Variants in CNTFR observed in about 807,000 individuals in gnomAD.
CNTFR encodes the protein ciliary neurotrophic factor receptor, also known as ciliary neurotrophic factor receptor subunit alpha.
CNTFR carries 12 observed loss-of-function variants against 40.4 expected under a neutral mutation model. The observed-to-expected ratio is 0.30, with a 90% CI of 0.19 to 0.48. The LOEUF (loss-of-function observed/expected upper bound fraction) is 0.48. CNTFR is among the 20% of genes least tolerant of loss of function. The pLI is 0.99. For missense variants in CNTFR, 414 were observed against 506.8 expected (o/e 0.82, Z 1.76); for synonymous variants, 202 against 209.6 (o/e 0.96, Z 0.31).
intron 1 of CNTFR, among the ~76,000 whole-genome samples, chr9:34,585,076 A>G (rs1323818674): frequency 3.3e-5 from 5 of 152,200 alleles, no homozygotes; most frequent in Non-Finnish European, 5.9e-5. Flanking sequence ...GGCACTGTAC[A>G]GGGAGCCAGG....
At chr9:34,579,023 G>A (rs905399999) in intron 2 of CNTFR, among the ~76,000 whole-genome samples, 1 of 152,162 alleles carries the variant, frequency 6.6e-6, no homozygotes, top group African/African-American at 2.4e-5. Context: ...CTGGACCCTG[G>A]GCTTGTCAGG....
At chr9:34,575,316 G>C (rs1357468563) in intron 2 of CNTFR, among the ~76,000 whole-genome samples, 8 of 152,156 alleles carry the variant, frequency 5.3e-5, no homozygotes, top group Non-Finnish European at 8.8e-5. Flanking sequence ...GTGGGGAGCG[G>C]GGTACTGCTC....
At chr9:34,580,389 C>G (rs1208770438) in intron 2 of CNTFR, among the ~76,000 whole-genome samples, 1 of 152,180 alleles carries the variant, frequency 6.6e-6, no homozygotes, top group East Asian at 1.9e-4. Flanking sequence ...CCATCTTAAG[C>G]CCCTTTTATG....
intron 1 of CNTFR, among the ~76,000 whole-genome samples, chr9:34,585,820 T>C (rs1010067728): frequency 3.3e-5 from 5 of 152,138 alleles, no homozygotes; most frequent in Admixed American, 1.3e-4. Flanking sequence ...CTTCTCAGGC[T>C]CCTTGCTCTC....
intron 3 of CNTFR, chr9:34,568,154 C>G (rs1826394345): frequency 6.6e-6 from 1 of 152,168 alleles, no homozygotes. Flanking sequence ...AAGCCTGGTT[C>G]AAGGTGAGTT....
At chr9:34,553,202 A>G (rs1825707116) in intron 7 of CNTFR, among the ~76,000 whole-genome samples, 1 of 152,078 alleles carries the variant, frequency 6.6e-6, no homozygotes, top group African/African-American at 2.4e-5. Context: ...AATCCCGACC[A>G]CAGTCCCAGC....
At chr9:34,574,722 G>T (rs1826867751) in intron 2 of CNTFR, among the ~76,000 whole-genome samples, 1 of 152,240 alleles carries the variant, frequency 6.6e-6, no homozygotes, top group Admixed American at 6.5e-5. Context: ...ATGGGGTCCT[G>T]GAGGGGACAA....
intron 1 of CNTFR, among the ~76,000 whole-genome samples, chr9:34,587,236 T>A (rs1335895184): frequency 6.6e-6 from 1 of 152,138 alleles, no homozygotes; most frequent in African/African-American, 2.4e-5. Context: ...TAAGTCTGAG[T>A]GTGAGACCCT....
chr9:34,557,641 G>A lies in CNTFR; in HGVS notation c.489C>T (p.Arg163=). The change falls in exon 6 of 10, where the codon CGC becomes CGT. Residue 163 remains arginine, a synonymous_variant. Coordinates refer to ENST00000378980, the MANE Select transcript of CNTFR (RefSeq NM_147164.3). This position sits in a 1 kb window ranked among gnomAD's most constrained non-coding sequence, Gnocchi z 4.2. ...ACAGGTGCATGTAGCGAATGTGGCA[G>A]CGGTTCTTGAGGGCTGGGTCCTTCT... The part of the protein sequence containing the change: ...VCEKDPALKN[R]CHIRYMHLFS... 6.2e-7 allele frequency: 1 copy of A among 1,614,214 alleles called. No individual in the cohort carries two copies. Among genetic ancestry groups the A allele is most frequent in the Middle Eastern group, 1.6e-4 (1 of 6,062 alleles).
intron 4 of CNTFR, among the ~76,000 whole-genome samples, chr9:34,562,750 T>C (rs1587131868): frequency 1.3e-5 from 2 of 152,198 alleles, no homozygotes; most frequent in African/African-American, 4.8e-5. Flanking sequence ...AATGGAACTA[T>C]GTTCAGAGTA....
At chr9:34,564,454 G>T in intron 4 of CNTFR, 145 bp downstream of exon 4, 1 of 789,444 alleles carries the variant, frequency 1.3e-6, no homozygotes, top group Non-Finnish European at 2.1e-6. Context: ...CAGAAGAGCG[G>T]GCCAGGACAA....
rs997622431 is a variant in CNTFR, at chr9:34,552,475, A to G, written c.950-146T>C. The G allele has an allele frequency of 8.7e-5, 94 of 1,075,540 alleles. No individual in the cohort carries two copies. The highest frequency in any genetic ancestry group is 1.2e-4 in the Non-Finnish European group (90 of 764,482). The allele number at this position is 1,075,540 out of a possible 1,614,324, so 66.6% of individuals were successfully genotyped here. ...AGATCCTGTTTCCCAAGGCTCACAG[A>G]TAACCCCTCCACCCAATGACCCCTA... On this transcript the variant is annotated intron_variant, in intron 8 of 9. Coordinates refer to ENST00000378980, the MANE Select transcript of CNTFR (RefSeq NM_147164.3). This position sits in a 1 kb window ranked among gnomAD's most constrained non-coding sequence, Gnocchi z 5.1.
intron 1 of CNTFR, among the ~76,000 whole-genome samples, chr9:34,583,799 G>A (rs183533392): frequency 1.6e-3 from 236 of 152,146 alleles, no homozygotes; most frequent in African/African-American, 5.0e-3. Context: ...CCTTCTCTCC[G>A]GGCCTGGGCC....
At chr9:34,553,828 G>A (rs540207497) in intron 7 of CNTFR, among the ~76,000 whole-genome samples, 3 of 152,328 alleles carry the variant, frequency 2.0e-5, no homozygotes, top group East Asian at 1.9e-4. Flanking sequence ...AAGCCGCCTC[G>A]TAAACAGGGG....
chr9:34,575,455 G>A (rs1341595599), intron 2 of CNTFR, among the ~76,000 whole-genome samples: 3 of 151,994 alleles, frequency 2.0e-5, no homozygotes, highest in Non-Finnish European at 4.4e-5. Context: ...GGAAAGGCCC[G>A]AAGCGGACGC....
chr9:34,581,620 T>C (rs1338781201), intron 1 of CNTFR, among the ~76,000 whole-genome samples: 1 of 152,248 alleles, frequency 6.6e-6, no homozygotes, highest in African/African-American at 2.4e-5. Flanking sequence ...CTATGATTTA[T>C]TGAGCATCTA....
At position 34,557,819 on chromosome 9, in the gene CNTFR, G is replaced by C. The variant is rs761918479; in HGVS notation, c.437+48C>G. On this transcript the variant is annotated intron_variant, in intron 5 of 9. Transcript: ENST00000378980. This position sits in a 1 kb window ranked among gnomAD's most constrained non-coding sequence, Gnocchi z 4.2. ...GAGGGCATGGTGGTGGGATGGGGGA[G>C]AGGTCAGAGGTCAGGGCTGGACCCG... 1 of 1,533,438 alleles carries C rather than the reference G, an allele frequency of 6.5e-7. No homozygotes were observed. The highest frequency in any genetic ancestry group is 8.9e-7 in the Non-Finnish European group (1 of 1,121,676). The allele number at this position is 1,533,438 out of a possible 1,614,324, so 95.0% of individuals were successfully genotyped here.
At chr9:34,559,897 C>A (rs1826000778) in intron 4 of CNTFR, among the ~76,000 whole-genome samples, 1 of 152,154 alleles carries the variant, frequency 6.6e-6, no homozygotes, top group African/African-American at 2.4e-5. Flanking sequence ...CTCCCCCACT[C>A]CCCGACTGTC....
intron 2 of CNTFR, among the ~76,000 whole-genome samples, chr9:34,575,330 T>TTG (rs1316677362): frequency 1.3e-5 from 2 of 152,102 alleles, no homozygotes; most frequent in Non-Finnish European, 2.9e-5. Context: ...ACTGCTCCTC[T>TTG]TGTAGGGACA....
Sources: gnomAD v4.1 joint callset for allele counts (sites outside exome capture counted in the v4.1 genomes callset) on GRCh38, gnomAD v4.1.1 for gene constraint, Gnocchi (gnomAD v3.1) non-coding constraint, MANE v1.5 for transcripts, NCBI Gene and HGNC (gene_info 2026-07-23, HGNC 2026-07-21) for gene names.